PSG7: variants seen among roughly 807,000 people sequenced by gnomAD.
PSG7 encodes the protein pregnancy-specific beta-1-glycoprotein 7.
Under a neutral mutation model 45.6 loss-of-function variants are expected in PSG7, and 57 were observed. That is an observed-to-expected ratio of 1.25 (90% CI 1.01 to 1.56). The LOEUF is 1.56. Ranked by LOEUF, PSG7 falls within the 40% of genes most tolerant of loss-of-function variation. The probability of loss-of-function intolerance (pLI) is 0.00; values close to 1 mark genes in which losing one functional copy is unlikely to be tolerated. For missense variants in PSG7, 796 were observed against 508.4 expected (o/e 1.57, Z -5.44); for synonymous variants, 298 against 194.4 (o/e 1.53, Z -4.43).
At chr19:42,924,964 T>A (rs1972494069) in intron 5 of PSG7, 140 bp from the exon 6 acceptor site, 1 of 671,478 alleles carries the variant, frequency 1.5e-6, no homozygotes, top group South Asian at 1.7e-5. Flanking sequence ...GTAGAATAAG[T>A]TTGTTTGCAA....
intron 2 of PSG7, among the ~76,000 whole-genome samples, chr19:42,931,808 A>G (rs1252001565): frequency 1.3e-5 from 2 of 151,518 alleles, no homozygotes; most frequent in African/African-American, 4.9e-5. Flanking sequence ...CAGCCTTTGT[A>G]GTTGTCCCAC....
Position 42,935,613 on chromosome 19 carries a change from T to A in PSG7, c.221A>T (p.Asp74Val). ...GYIWYKGQIR[D>V]LYHYVTSYIV... ...ATATGATGTAACATAATGGTAGAGG[T>A]CCCTGATTTGTCCTTTGTACCAGAT... Residue 74 changes from aspartate (D) to valine (V), a missense_variant, in exon 2 of 6, where the codon GAC (aspartate) becomes GTC (valine). Transcript: ENST00000406070. 5 of 1,611,962 alleles carry A rather than the reference T, an allele frequency of 3.1e-6. 1 individual carries two copies. The highest frequency in any genetic ancestry group is 4.2e-6 in the Non-Finnish European group (5 of 1,179,064).
rs1252439957 is a variant in PSG7 at position 42,925,191 on chromosome 19, T to A, written c.1244-367A>T. On this transcript the variant is annotated intron_variant, in intron 5 of 5. Coordinates refer to ENST00000406070, the MANE Select transcript of PSG7 (RefSeq NM_002783.3). ...TCATACTGGTTCATTCTAGCTATAT[T>A]CTTAAATATAACATCCCAGTCAAAG... The A allele has an allele frequency of 3.0e-5, 10 of 332,130 alleles. No homozygotes were observed. The East Asian group carries it at 6.0e-4, about 20-fold the overall frequency. The allele number at this position is 332,130 out of a possible 1,614,324, so 20.6% of individuals were successfully genotyped here. A position where few individuals can be genotyped will look rare whatever the true frequency, so the allele number is the denominator to read the frequency against.
In PSG7 at chr19:42,926,736, A is replaced by C. The variant is rs1972902348; in HGVS notation, c.710-20T>G. 6.2e-7 allele frequency: 1 copy of C among 1,608,588 alleles called. No individual in the cohort carries two copies. Among genetic ancestry groups the C allele is most frequent in the Non-Finnish European group, 8.5e-7 (1 of 1,177,492 alleles). ...GCTTCGCTGTGTGAATAACAGAGAG[A>C]AGATTGTCCTGTGTGGCACCTTTGA... On this transcript the variant is annotated intron_variant, in intron 3 of 5. Transcript: ENST00000406070.
chr19:42,924,455 T>G lies in PSG7; in HGVS notation c.*353A>C. ...CCCTCAGAAGCTCCTATACTACATG[T>G]GAAATTCTAATGACTGCATTATCCT... On this transcript the variant is annotated 3_prime_UTR_variant, in exon 6 of 6. Coordinates refer to ENST00000406070, the MANE Select transcript of PSG7 (RefSeq NM_002783.3). The G allele has an allele frequency of 1.9e-6, 1 of 532,584 alleles. No individual in the cohort carries two copies. The highest frequency in any genetic ancestry group is 3.5e-5 in the South Asian group (1 of 28,596). The allele number at this position is 532,584 out of a possible 1,614,324, so 33.0% of individuals were successfully genotyped here.
In PSG7 at chr19:42,926,467, C is replaced by T. The variant is rs759691674; in HGVS notation, c.959G>A (p.Arg320His). 62 of 1,611,500 alleles carry T rather than the reference C, an allele frequency of 3.8e-5. 1 individual carries two copies. Among genetic ancestry groups the T allele is most frequent in the East Asian group, 1.3e-4 (6 of 44,806 alleles). ...CEIRDRYGGI[R>H]SDPVTLNVLY... ...GACATTCAGGGTGACTGGGTCACTG[C>T]GGATGCCACCATATCGGTCCCGTAT... Residue 320 changes from arginine to histidine, a missense_variant, in exon 4 of 6, where the codon CGC becomes CAC. By Grantham distance (29) the Arg-to-His change is conservative. Coordinates refer to ENST00000406070, the MANE Select transcript of PSG7 (RefSeq NM_002783.3).
intron 2 of PSG7, among the ~76,000 whole-genome samples, chr19:42,934,412 A>C (rs1248119609): frequency 6.6e-6 from 1 of 151,458 alleles, no homozygotes; most frequent in Admixed American, 6.6e-5. Flanking sequence ...CTGTGGCTGC[A>C]GACAGACCTC....
intron 5 of PSG7, chr19:42,925,248 G>T: frequency 3.3e-6 from 1 of 299,852 alleles, no homozygotes. Context: ...TTTGAAATGT[G>T]TCCTGTTACA....
chr19:42,929,362 A>C, intron 3 of PSG7, 80 bp downstream of exon 3: 1 of 1,608,932 alleles, frequency 6.2e-7, no homozygotes, highest in Non-Finnish European at 8.5e-7. Context: ...CTTGGACCTG[A>C]GAGGGACTGA....
At chr19:42,927,076 C>T (rs1234586486) in intron 3 of PSG7, 1 of 322,316 alleles carries the variant, frequency 3.1e-6, no homozygotes, top group Non-Finnish European at 5.7e-6. Flanking sequence ...AACTGCTGGG[C>T]CCTTTCCAAA....
At position 42,926,548 on chromosome 19, in the gene PSG7, C is replaced by A. The variant is rs1410985783; in HGVS notation, c.878G>T (p.Arg293Met). ...SPRVKRRIEN[R>M]ILILPSVTRN... Reference sequence around the variant, plus strand: ...CGTGACACTGGGTAGAATGAGGATCCTGTTTTCAATGCGTCGCTTTACCCT... The same window carrying A: ...CGTGACACTGGGTAGAATGAGGATCATGTTTTCAATGCGTCGCTTTACCCT... The change falls in exon 4 of 6, where the codon AGG (arginine) becomes ATG (methionine). Residue 293 changes from arginine (R) to methionine (M), a missense_variant. Physicochemically the swap from Arg to Met is moderately conservative, Grantham distance 91. Coordinates refer to ENST00000406070, the MANE Select transcript of PSG7 (RefSeq NM_002783.3). 1 of 1,610,590 alleles carries A rather than the reference C, an allele frequency of 6.2e-7. No homozygotes were observed. The highest frequency in any genetic ancestry group is 1.7e-5 in the Admixed American group (1 of 59,864).
intron 2 of PSG7, 115 bp from the exon 3 acceptor site, chr19:42,929,835 C>T: frequency 6.3e-6 from 9 of 1,430,476 alleles, no homozygotes; most frequent in Middle Eastern, 2.4e-4. Flanking sequence ...TCCTTAAAAG[C>T]CCATGGCAGG....
At position 42,926,558 on chromosome 19, in the gene PSG7, T is replaced by C. The variant is rs1972895691; in HGVS notation, c.868A>G (p.Ile290Val). 6.2e-7 allele frequency: 1 copy of C among 1,610,382 alleles called. No individual in the cohort carries two copies. The highest frequency in any genetic ancestry group is 1.3e-5 in the African/African-American group (1 of 74,570). ...GGTAGAATGAGGATCCTGTTTTCAA[T>C]GCGTCGCTTTACCCTGGGACTGACC... ...LPVSPRVKRRIENRILILPSV... is the reference protein window; with the variant it reads ...LPVSPRVKRRVENRILILPSV... Residue 290 changes from isoleucine (I) to valine (V), a missense_variant, in exon 4 of 6, where the codon ATT becomes GTT. Physicochemically the swap from Ile to Val is conservative, Grantham distance 29. Coordinates refer to ENST00000406070, the MANE Select transcript of PSG7 (RefSeq NM_002783.3).
At chr19:42,935,082 A>G (rs1328667965) in intron 2 of PSG7, among the ~76,000 whole-genome samples, 5 of 151,608 alleles carry the variant, frequency 3.3e-5, no homozygotes, top group Admixed American at 3.3e-4. Flanking sequence ...AGCCCTACTC[A>G]GTTTTCCAGG....
chr19:42,924,711 A>C lies in PSG7; in HGVS notation c.*97T>G, dbSNP rs1972488017. The C allele has an allele frequency of 1.3e-6, 1 of 765,984 alleles. No homozygotes were observed. Among genetic ancestry groups the C allele is most frequent in the South Asian group, 1.4e-5 (1 of 74,032 alleles). The allele number at this position is 765,984 out of a possible 1,614,324, so 47.4% of individuals were successfully genotyped here. ...GGATTTTCCCATGAAATTTACATTG[A>C]GTTGTCCAACTCTGACTTATAGGGC... On this transcript the variant is annotated 3_prime_UTR_variant, in exon 6 of 6. Transcript: ENST00000406070.
At position 42,924,454 on chromosome 19, in the gene PSG7, G is replaced by A. The variant is rs1972482616; in HGVS notation, c.*354C>T. On this transcript the variant is annotated 3_prime_UTR_variant, in exon 6 of 6. Coordinates refer to ENST00000406070, the MANE Select transcript of PSG7 (RefSeq NM_002783.3). ...ACCCTCAGAAGCTCCTATACTACAT[G>A]TGAAATTCTAATGACTGCATTATCC... The A allele has an allele frequency of 1.9e-6, 1 of 533,080 alleles. No individual in the cohort carries two copies. The highest frequency in any genetic ancestry group is 3.3e-6 in the Non-Finnish European group (1 of 304,694). 33.0% of individuals were successfully genotyped at this position (533,080 alleles called of 1,614,324 possible).
At chr19:42,931,597 G>A (rs1364533067) in intron 2 of PSG7, among the ~76,000 whole-genome samples, 1 of 151,564 alleles carries the variant, frequency 6.6e-6, no homozygotes, top group East Asian at 1.9e-4. Flanking sequence ...TAGAGTTTAA[G>A]TTTGTGTGAA....
intron 2 of PSG7, among the ~76,000 whole-genome samples, chr19:42,933,430 A>C (rs1041627451): frequency 6.8e-6 from 1 of 146,748 alleles, no homozygotes; most frequent in African/African-American, 2.5e-5. Context: ...GGTCAGCCTC[A>C]CAAAGTGAAA....
intron 2 of PSG7, among the ~76,000 whole-genome samples, chr19:42,933,685 A>G (rs1366999803): frequency 6.6e-6 from 1 of 150,784 alleles, no homozygotes; most frequent in Admixed American, 6.6e-5. Context: ...TGCCAGTCAG[A>G]ATGAAGTGGG....
Sources: gnomAD v4.1 joint callset for allele counts (sites outside exome capture counted in the v4.1 genomes callset) on GRCh38, gnomAD v4.1.1 for gene constraint, MANE v1.5 for transcripts, NCBI Gene and HGNC (gene_info 2026-07-23, HGNC 2026-07-21) for gene names.